Variants in TMEM232 observed in about 807,000 individuals in gnomAD.
TMEM232 encodes the protein transmembrane protein 232.
TMEM232 carries 80 observed loss-of-function variants against 78.8 expected under a neutral mutation model. The ratio of observed to expected loss-of-function variants is 1.01; its 90% CI spans 0.85 to 1.22. The LOEUF (loss-of-function observed/expected upper bound fraction) is 1.22. Ranked by LOEUF, TMEM232 falls within the 50% of genes most tolerant of loss-of-function variation. TMEM232 has a pLI of 0.00. For missense variants in TMEM232, 881 were observed against 742.2 expected (o/e 1.19, Z -2.17); for synonymous variants, 297 against 254.3 (o/e 1.17, Z -1.60).
chr5:110,628,366 T>C (rs1429508009), intron 5 of TMEM232, among the ~76,000 whole-genome samples: 3 of 152,146 alleles, frequency 2.0e-5, no homozygotes, highest in Admixed American at 6.6e-5. Flanking sequence ...TTGCATTAGA[T>C]AGTGTTGAGA....
At chr5:110,537,257 T>A (rs1050002215) in intron 11 of TMEM232, among the ~76,000 whole-genome samples, 4 of 151,776 alleles carry the variant, frequency 2.6e-5, no homozygotes, top group Admixed American at 2.6e-4. Flanking sequence ...AATTTGACCC[T>A]GATAATCTAA....
At chr5:110,673,318 G>A (rs1329408096) in intron 1 of TMEM232, among the ~76,000 whole-genome samples, 1 of 151,374 alleles carries the variant, frequency 6.6e-6, no homozygotes. Flanking sequence ...TGGCGGGAGG[G>A]GGGAGGGATA....
chr5:110,509,098 CACAT>C (rs1767379382), intron 12 of TMEM232, among the ~76,000 whole-genome samples: 1 of 147,362 alleles, frequency 6.8e-6, no homozygotes, highest in Middle Eastern at 3.3e-3. Context: ...TGTATACACA[CACAT>C]ATATATGCAA....
chr5:110,549,001 G>T (rs1774122129), intron 11 of TMEM232, among the ~76,000 whole-genome samples: 1 of 151,752 alleles, frequency 6.6e-6, no homozygotes, highest in South Asian at 2.1e-4. Context: ...TAAGCCATAG[G>T]TTATCTTCTA....
At chr5:110,523,256 CT>C (rs1410223089) in intron 12 of TMEM232, among the ~76,000 whole-genome samples, 14 of 152,172 alleles carry the variant, frequency 9.2e-5, no homozygotes, top group African/African-American at 3.1e-4. Flanking sequence ...AGCGTCTCTT[CT>C]TTCATTTCTG....
At chr5:110,595,060 A>G (rs1779988956) in intron 10 of TMEM232, among the ~76,000 whole-genome samples, 1 of 152,182 alleles carries the variant, frequency 6.6e-6, no homozygotes. Context: ...TCTGGGATGA[A>G]GCTACCAGAG....
intron 11 of TMEM232, among the ~76,000 whole-genome samples, chr5:110,548,350 AATT>A (rs1265229251): frequency 2.0e-5 from 3 of 149,188 alleles, no homozygotes; most frequent in East Asian, 1.9e-4. Flanking sequence ...ATTAATCATT[AATT>A]ATTAATATTT....
At chr5:110,643,905 AC>A (rs1373276337) in intron 2 of TMEM232, among the ~76,000 whole-genome samples, 2 of 152,106 alleles carry the variant, frequency 1.3e-5, no homozygotes, top group Admixed American at 1.3e-4. Flanking sequence ...GAAATAATCA[AC>A]CCTTTAACTG....
chr5:110,687,682 C>T (rs1272424927), intron 1 of TMEM232, among the ~76,000 whole-genome samples: 1 of 152,058 alleles, frequency 6.6e-6, no homozygotes, highest in Admixed American at 6.6e-5. Context: ...TTCTCTTTCT[C>T]TTTCTCTTTG....
chr5:110,595,513 A>C (rs1457437275), intron 10 of TMEM232, among the ~76,000 whole-genome samples: 2 of 152,184 alleles, frequency 1.3e-5, no homozygotes, highest in Non-Finnish European at 2.9e-5. Context: ...AATACAAGGA[A>C]ACTAAGAATT....
At chr5:110,589,119 T>C (rs889297287) in intron 10 of TMEM232, among the ~76,000 whole-genome samples, 47 of 152,240 alleles carry the variant, frequency 3.1e-4, no homozygotes, top group African/African-American at 1.1e-3. Flanking sequence ...TTAGTAAAGA[T>C]ATATATTATA....
chr5:110,687,121 C>T (rs1272729327), intron 1 of TMEM232, among the ~76,000 whole-genome samples: 1 of 152,136 alleles, frequency 6.6e-6, no homozygotes, highest in Non-Finnish European at 1.5e-5. Context: ...TTTCTTCCCC[C>T]TGAGAAAAGA....
chr5:110,612,360 C>A (rs1422888844), intron 8 of TMEM232, among the ~76,000 whole-genome samples: 1 of 151,940 alleles, frequency 6.6e-6, no homozygotes, highest in Non-Finnish European at 1.5e-5. Context: ...CTCCAGGGAT[C>A]AAAGGATCAA....
intron 2 of TMEM232, among the ~76,000 whole-genome samples, chr5:110,649,872 A>C (rs1233188295): frequency 6.6e-6 from 1 of 152,140 alleles, no homozygotes; most frequent in African/African-American, 2.4e-5. Flanking sequence ...CCCAGGAGCC[A>C]GACTTCCTGT....
intron 1 of TMEM232, among the ~76,000 whole-genome samples, chr5:110,678,031 C>T (rs1259416889): frequency 1.3e-5 from 2 of 152,010 alleles, no homozygotes; most frequent in East Asian, 1.9e-4. Flanking sequence ...TCCCTATGTG[C>T]ACATGGGTTG....
intron 12 of TMEM232, among the ~76,000 whole-genome samples, chr5:110,500,332 T>TTAA (rs1766126990): frequency 6.6e-6 from 1 of 151,226 alleles, no homozygotes; most frequent in Non-Finnish European, 1.5e-5. Flanking sequence ...CTGAAAAAGT[T>TTAA]TAATTTTTAA....
At chr5:110,551,207 G>T (rs1774415159) in intron 11 of TMEM232, among the ~76,000 whole-genome samples, 1 of 151,340 alleles carries the variant, frequency 6.6e-6, no homozygotes, top group Non-Finnish European at 1.5e-5. Context: ...CTAACTTTTT[G>T]TTTGTTTGTT....
chr5:110,551,165 G>GT (rs1774411567), intron 11 of TMEM232, among the ~76,000 whole-genome samples: 1 of 152,034 alleles, frequency 6.6e-6, no homozygotes, highest in Non-Finnish European at 1.5e-5. Context: ...AGTGAAATGT[G>GT]TTTTTCAAGC....
In TMEM232 at chr5:110,580,083, TA is replaced by T. The variant is rs1303544968; in HGVS notation, c.1277-11459del. On this transcript the variant is annotated intron_variant, in intron 10 of 13. Transcript: ENST00000455884. Reference sequence around the variant, plus strand: ...ACAATAGACTAAGAAAAATATTATGTAATATAAAAGGATCAATCCACTAAAA... The same window carrying T: ...ACAATAGACTAAGAAAAATATTATGTATATAAAAGGATCAATCCACTAAAA... 2.0e-5 allele frequency among the ~76,000 whole-genome samples: 3 copies of T among 151,672 alleles called. No individual in the cohort carries two copies. In the East Asian group the frequency reaches 5.8e-4, roughly 29 times the overall value.
Sources: allele counts gnomAD v4.1 joint callset (sites outside exome capture counted in the v4.1 genomes callset), GRCh38; gene constraint gnomAD v4.1.1; transcripts MANE v1.5; gene names NCBI Gene and HGNC (gene_info 2026-07-23, HGNC 2026-07-21).